TRIM44: variants seen among roughly 807,000 people sequenced by gnomAD.
TRIM44 encodes tripartite motif-containing protein 44.
In TRIM44, 13 loss-of-function variants were observed where a neutral mutation model predicts 37.4. The observed-to-expected ratio is 0.35, with a 90% CI of 0.23 to 0.55. TRIM44 has a LOEUF of 0.55. Ranked by LOEUF, TRIM44 falls within the 20% of genes least tolerant of loss-of-function variation. The pLI, the probability that TRIM44 is intolerant of heterozygous loss-of-function variation, is 0.89. For missense variants in TRIM44, 426 were observed against 437.2 expected (o/e 0.97, Z 0.23); for synonymous variants, 175 against 157.2 (o/e 1.11, Z -0.85).
chr11:35,774,107 A>G (rs954163339), intron 4 of TRIM44, among the ~76,000 whole-genome samples: 1 of 152,136 alleles, frequency 6.6e-6, no homozygotes, highest in Non-Finnish European at 1.5e-5. Context: ...AAGTGTTCCT[A>G]TTTCTCCACA....
intron 2 of TRIM44, among the ~76,000 whole-genome samples, chr11:35,721,382 C>G (rs1852104750): frequency 6.6e-6 from 1 of 152,202 alleles, no homozygotes; most frequent in Non-Finnish European, 1.5e-5. Context: ...CAGATAACCA[C>G]TCTCCAACAT....
At chr11:35,793,398 G>A (rs769235504) in intron 4 of TRIM44, among the ~76,000 whole-genome samples, 3 of 152,016 alleles carry the variant, frequency 2.0e-5, no homozygotes, top group Non-Finnish European at 4.4e-5. Context: ...GGTGGTGTGT[G>A]CCTGTAATCC....
At chr11:35,695,201 G>A (rs1027191738) in intron 2 of TRIM44, among the ~76,000 whole-genome samples, 1 of 152,076 alleles carries the variant, frequency 6.6e-6, no homozygotes, top group Non-Finnish European at 1.5e-5. Context: ...GTCATGGAAT[G>A]CTTTAAGGAC....
intron 4 of TRIM44, among the ~76,000 whole-genome samples, chr11:35,775,888 A>AT (rs1240697334): frequency 6.6e-6 from 1 of 151,986 alleles, no homozygotes. Flanking sequence ...TTTATTGAGG[A>AT]TTTTTGCATC....
At chr11:35,760,175 C>G (rs1010602103) in intron 4 of TRIM44, among the ~76,000 whole-genome samples, 2 of 152,232 alleles carry the variant, frequency 1.3e-5, no homozygotes, top group African/African-American at 4.8e-5. Context: ...TGTTTACCTA[C>G]TCAAGCCTCG....
intron 4 of TRIM44, among the ~76,000 whole-genome samples, chr11:35,793,973 A>G (rs958335498): frequency 6.6e-6 from 1 of 152,246 alleles, no homozygotes; most frequent in African/African-American, 2.4e-5. Flanking sequence ...ACTTCCATTT[A>G]TTAATTGTAA....
At chr11:35,682,925 G>C (rs1014286885) in intron 1 of TRIM44, among the ~76,000 whole-genome samples, 1 of 152,094 alleles carries the variant, frequency 6.6e-6, no homozygotes, top group Non-Finnish European at 1.5e-5. Context: ...CTAGAGCCAG[G>C]GGGAAAGTCA....
chr11:35,754,685 T>C (rs906856982), intron 4 of TRIM44, among the ~76,000 whole-genome samples: 16 of 127,642 alleles, frequency 1.3e-4, no homozygotes, highest in Non-Finnish European at 2.1e-4. Context: ...CCCCGGTGTG[T>C]GATGGTCCCC....
At chr11:35,715,412 G>A (rs942770809) in intron 2 of TRIM44, among the ~76,000 whole-genome samples, 1 of 151,398 alleles carries the variant, frequency 6.6e-6, no homozygotes, top group Non-Finnish European at 1.5e-5. Flanking sequence ...GTATGTGTGT[G>A]TGTGTGTGTG....
chr11:35,735,399 T>C, intron 3 of TRIM44, 27 bp from the exon 4 acceptor site: 2 of 1,612,634 alleles, frequency 1.2e-6, no homozygotes, highest in Admixed American at 1.7e-5. Context: ...TGATTTCTAA[T>C]ACTGTTTCTT....
At chr11:35,680,811 A>G (rs1276742412) in intron 1 of TRIM44, among the ~76,000 whole-genome samples, 1 of 152,192 alleles carries the variant, frequency 6.6e-6, no homozygotes, top group Non-Finnish European at 1.5e-5. Flanking sequence ...AATTTATTTC[A>G]GGCTGATGGG....
At chr11:35,688,534 T>C (rs1851606233) in intron 2 of TRIM44, among the ~76,000 whole-genome samples, 1 of 152,204 alleles carries the variant, frequency 6.6e-6, no homozygotes, top group African/African-American at 2.4e-5. Flanking sequence ...TCAAAATTCT[T>C]TTACAAAATT....
chr11:35,689,992 T>C (rs1217212533), intron 2 of TRIM44, among the ~76,000 whole-genome samples: 4 of 152,206 alleles, frequency 2.6e-5, no homozygotes, highest in Admixed American at 2.0e-4. Context: ...GTTAGCACAG[T>C]TGTGTGTCTT....
intron 2 of TRIM44, among the ~76,000 whole-genome samples, chr11:35,710,858 G>A (rs1851961668): frequency 6.6e-6 from 1 of 152,158 alleles, no homozygotes. Context: ...CGTATTTTGG[G>A]ATGGAATATT....
At chr11:35,687,229 G>T (rs577027817) in intron 2 of TRIM44, among the ~76,000 whole-genome samples, 5 of 152,310 alleles carry the variant, frequency 3.3e-5, no homozygotes, top group South Asian at 4.2e-4. Context: ...CAGAGCCATA[G>T]ACTGGTGGGC....
At chr11:35,766,362 G>C (rs986620913) in intron 4 of TRIM44, among the ~76,000 whole-genome samples, 1 of 152,098 alleles carries the variant, frequency 6.6e-6, no homozygotes, top group African/African-American at 2.4e-5. Context: ...GGTTATATAG[G>C]GCTTCTCCTC....
At chr11:35,734,865 C>T (rs759409892) in intron 3 of TRIM44, among the ~76,000 whole-genome samples, 3 of 152,178 alleles carry the variant, frequency 2.0e-5, no homozygotes, top group Non-Finnish European at 4.4e-5. Flanking sequence ...GACCAAAGTC[C>T]AGATTAATTA....
chr11:35,682,591 G>C (rs1181536397), intron 1 of TRIM44, among the ~76,000 whole-genome samples: 2 of 152,222 alleles, frequency 1.3e-5, no homozygotes, highest in East Asian at 1.9e-4. Context: ...GCTCATCATA[G>C]AGCCCAGTTA....
chr11:35,751,418 C>G (rs1852557954), intron 4 of TRIM44, among the ~76,000 whole-genome samples: 1 of 152,104 alleles, frequency 6.6e-6, no homozygotes, highest in South Asian at 2.1e-4. Context: ...TATGGCCAGG[C>G]CTTGATGCCA....
Sources: allele counts gnomAD v4.1 joint callset (sites outside exome capture counted in the v4.1 genomes callset), GRCh38; gene constraint gnomAD v4.1.1; transcripts MANE v1.5; gene names NCBI Gene and HGNC (gene_info 2026-07-23, HGNC 2026-07-21).